Variants in FANCA observed in about 807,000 individuals in gnomAD.
The protein encoded by FANCA is FA complementation group A, also known as Fanconi anemia group A protein.
Under a neutral mutation model 194.3 loss-of-function variants are expected in FANCA, and 236 were observed. That is an observed-to-expected ratio of 1.21 (90% confidence interval 1.09 to 1.35). The LOEUF is 1.35. FANCA is among the 40% of genes most tolerant of loss of function. The pLI is 0.00. For synonymous variants in FANCA, 1,014 were observed against 715.8 expected (o/e 1.42, Z -6.65); for missense variants, 2,628 against 1,813.9 (o/e 1.45, Z -8.15).
intron 38 of FANCA, 57 bp from the exon 39 acceptor site, chr16:89,740,156 G>A: frequency 1.5e-6 from 2 of 1,347,900 alleles, no homozygotes; most frequent in Non-Finnish European, 2.1e-6. Flanking sequence ...CCCATGGGTA[G>A]GAGGGTACAG....
rs1284083461 is a variant in FANCA, at chr16:89,771,779, G to T, written c.2050C>A (p.Leu684Met). 6.2e-7 allele frequency: 1 copy of T among 1,614,022 alleles called. No homozygotes were observed. The highest frequency in any genetic ancestry group is 1.7e-5 in the Admixed American group (1 of 60,012). ...SAQVAVISERLRAVLGHNEDD... is the reference protein window; with the variant it reads ...SAQVAVISERMRAVLGHNEDD... ...TCATTGTGGCCCAGGACAGCCCTCA[G>T]TCTTTCAGAAATCACTGCCACCTGT... The change falls in exon 23 of 43, where the codon CTG becomes ATG. Residue 684 changes from leucine (L) to methionine (M), a missense_variant. Coordinates refer to ENST00000389301, the MANE Select transcript of FANCA (RefSeq NM_000135.4).
Position 89,739,280 on chromosome 16 carries a change from G to A in FANCA, c.4020C>T (p.Ser1340=). 1 of 1,614,142 alleles carries A rather than the reference G, an allele frequency of 6.2e-7. No homozygotes were observed. Residue 1340 remains serine (S), a synonymous_variant, in exon 41 of 43, where the codon TCC becomes TCT. Coordinates refer to ENST00000389301, the MANE Select transcript of FANCA (RefSeq NM_000135.4). ...TGATGGCCGCGTCTTCATGGAAGTA[G>A]GAGAGAAGACTAGAGGTAAAGACAT... ...LLPFAFYSLL[S]YFHEDAAIRE...
chr16:89,746,388 G>T (rs1026511043), intron 35 of FANCA, among the ~76,000 whole-genome samples, 196 bp downstream of exon 35: 3 of 152,136 alleles, frequency 2.0e-5, no homozygotes, highest in African/African-American at 7.2e-5. Context: ...GGGCAGGGAC[G>T]GTTCTGGGAA....
At chr16:89,783,267 C>G (rs2039783384) in intron 15 of FANCA, among the ~76,000 whole-genome samples, 165 bp from the exon 16 acceptor site, 1 of 152,092 alleles carries the variant, frequency 6.6e-6, no homozygotes, top group Non-Finnish European at 1.5e-5. Context: ...AATTAAAACA[C>G]AAGCCGGGCG....
chr16:89,759,857 G>A (rs2038890757), intron 29 of FANCA, among the ~76,000 whole-genome samples: 1 of 152,190 alleles, frequency 6.6e-6, no homozygotes, highest in African/African-American at 2.4e-5. Flanking sequence ...ACACGACCCT[G>A]CAAATGTGAG....
chr16:89,775,642 A>AC (rs2039475176), intron 21 of FANCA, 100 bp downstream of exon 21: 1 of 961,594 alleles, frequency 1.0e-6, no homozygotes, highest in Admixed American at 2.0e-5. Flanking sequence ...TGGCACAGCC[A>AC]CCCCCGAGCT....
intron 20 of FANCA, 119 bp from the exon 21 acceptor site, chr16:89,775,934 G>A: frequency 1.7e-6 from 1 of 598,724 alleles, no homozygotes; most frequent in Non-Finnish European, 2.9e-6. Context: ...TATAAATACT[G>A]TGTACAGTAT....
chr16:89,800,408 C>G (rs1276443237), intron 8 of FANCA, among the ~76,000 whole-genome samples: 1 of 152,232 alleles, frequency 6.6e-6, no homozygotes, highest in African/African-American at 2.4e-5. Flanking sequence ...AGCCCACAGA[C>G]TGCAGTGTAG....
At chr16:89,760,745 G>T (rs1375717830) in intron 29 of FANCA, among the ~76,000 whole-genome samples, 1 of 152,128 alleles carries the variant, frequency 6.6e-6, no homozygotes, top group Non-Finnish European at 1.5e-5. Context: ...CCAAGTCAAG[G>T]CTGGCATCAC....
intron 36 of FANCA, 70 bp downstream of exon 36, chr16:89,744,889 A>G: frequency 7.2e-7 from 1 of 1,381,840 alleles, no homozygotes; most frequent in Non-Finnish European, 1.0e-6. Flanking sequence ...CAGGGTGTTT[A>G]GGAGATGACC....
chr16:89,799,371 G>A (rs1010863936), intron 9 of FANCA, 139 bp from the exon 10 acceptor site: 3 of 1,049,566 alleles, frequency 2.9e-6, no homozygotes, highest in African/African-American at 3.1e-5. Flanking sequence ...TCTACAATCT[G>A]TAGGCCTTAA....
Position 89,745,060 on chromosome 16 carries a change from C to G in FANCA, c.3525G>C (p.Pro1175=), listed in dbSNP as rs765106818. Residue 1175 remains proline, a synonymous_variant, in exon 36 of 43, where the codon CCG becomes CCC. Coordinates refer to ENST00000389301, the MANE Select transcript of FANCA (RefSeq NM_000135.4). ...GGCAGAGCAGCACAGGCTCCAGGCT[C>G]GGCCACCACACCTATGGAGAGAGCA... ...LILTSALVWW[P]SLEPVLLCRW... The G allele has an allele frequency of 1.9e-6, 3 of 1,605,856 alleles. No individual in the cohort carries two copies. Among genetic ancestry groups the G allele is most frequent in the South Asian group, 1.1e-5 (1 of 90,476 alleles).
Position 89,738,401 on chromosome 16 carries a change from C to T in FANCA, c.*200G>A, listed in dbSNP as rs1271919646. ...GGTGTCCGGCTCAAGTAGCCTTCCTCTGCTCTGGGACCAGTGGTTTATTTT... is the reference window on the plus strand; with the variant it reads ...GGTGTCCGGCTCAAGTAGCCTTCCTTTGCTCTGGGACCAGTGGTTTATTTT... On this transcript the variant is annotated 3_prime_UTR_variant, in exon 43 of 43. Transcript: ENST00000389301. 1 of 1,379,460 alleles carries T rather than the reference C, an allele frequency of 7.2e-7. No individual in the cohort carries two copies. Among genetic ancestry groups the T allele is most frequent in the African/African-American group, 1.4e-5 (1 of 69,524 alleles). 85.5% of individuals were successfully genotyped at this position (1,379,460 alleles called of 1,614,324 possible).
At chr16:89,765,089 C>A (rs760809361) in intron 27 of FANCA, 23 bp from the exon 28 acceptor site, 1 of 1,613,456 alleles carries the variant, frequency 6.2e-7, no homozygotes, top group South Asian at 1.1e-5. Flanking sequence ...GTGACCCGGC[C>A]GTTTCTTCAT....
At chr16:89,764,779 T>C (rs749234980) in intron 28 of FANCA, 111 bp downstream of exon 28, 7 of 1,282,332 alleles carry the variant, frequency 5.5e-6, no homozygotes, top group East Asian at 4.6e-5. Context: ...GGACGTGGCA[T>C]GATGCAGGGG....
chr16:89,773,548 C>T (rs1231248947), intron 21 of FANCA, among the ~76,000 whole-genome samples, 164 bp from the exon 22 acceptor site: 3 of 152,086 alleles, frequency 2.0e-5, no homozygotes, highest in Non-Finnish European at 4.4e-5. Context: ...GAGGTGTCTT[C>T]CCTGATGCTG....
intron 7 of FANCA, 97 bp downstream of exon 7, chr16:89,805,183 C>G: frequency 1.1e-6 from 1 of 922,120 alleles, no homozygotes; most frequent in Non-Finnish European, 1.7e-6. Context: ...CACGGAGAGA[C>G]AGGCTGTTCT....
Position 89,791,414 on chromosome 16 carries a change from C to T in FANCA, c.1348G>A (p.Asp450Asn), listed in dbSNP as rs1262122499. ...GGCAGGTCACTTACCTTGAACCAGT[C>T]TGCATATGACAGGAACGCAGAGGGG... ...EGPSAFLSYA[D>N]WFKASFGSTR... is the part of the protein sequence containing the mutation. Residue 450 changes from aspartate to asparagine, a missense_variant, in exon 14 of 43, where the codon GAC (aspartate) becomes AAC (asparagine). Asp to Asn is a conservative substitution (Grantham distance 23). Transcript: ENST00000389301. 37 of 1,613,912 alleles carry T rather than the reference C, an allele frequency of 2.3e-5. No homozygotes were observed. Among genetic ancestry groups the T allele is most frequent in the Non-Finnish European group, 3.1e-5 (37 of 1,179,970 alleles).
At chr16:89,794,844 G>A (rs943280843) in intron 11 of FANCA, among the ~76,000 whole-genome samples, 1 of 152,166 alleles carries the variant, frequency 6.6e-6, no homozygotes, top group Non-Finnish European at 1.5e-5. Flanking sequence ...CGATGCCTGG[G>A]CCATCAAACA....
Sources: gnomAD v4.1 joint callset for allele counts (sites outside exome capture counted in the v4.1 genomes callset) on GRCh38, gnomAD v4.1.1 for gene constraint, MANE v1.5 for transcripts, NCBI Gene and HGNC (gene_info 2026-07-23, HGNC 2026-07-21) for gene names.